Variants in SLC17A6 observed in about 807,000 individuals in gnomAD.
The protein encoded by SLC17A6 is vesicular glutamate transporter 2.
Under a neutral mutation model 67.1 loss-of-function variants are expected in SLC17A6, and 35 were observed. The ratio of observed to expected loss-of-function variants is 0.52; its 90% CI spans 0.40 to 0.69. The LOEUF is 0.69. Ranked by LOEUF, SLC17A6 falls within the 30% of genes least tolerant of loss-of-function variation. The pLI is 0.00. For synonymous variants in SLC17A6, 285 were observed against 252.3 expected (o/e 1.13, Z -1.23); for missense variants, 588 against 723.9 (o/e 0.81, Z 2.15).
At chr11:22,358,540 C>A (rs1377943981) in intron 3 of SLC17A6, among the ~76,000 whole-genome samples, 1 of 152,164 alleles carries the variant, frequency 6.6e-6, no homozygotes, top group Non-Finnish European at 1.5e-5. Context: ...CTATGTTGGC[C>A]AGACTGGTTT....
rs1050255443 is a variant in SLC17A6, at chr11:22,377,981, C to T, written c.*241C>T. ...ATTTGTGACTTAAAGGTTGACTGGT[C>T]AAAATTGTAGAAACAAGTAGTTACC... On this transcript the variant is annotated 3_prime_UTR_variant, in exon 12 of 12. Coordinates refer to ENST00000263160, the MANE Select transcript of SLC17A6 (RefSeq NM_020346.3). 1 of 498,526 alleles carries T rather than the reference C, an allele frequency of 2.0e-6. No individual in the cohort carries two copies. The highest frequency in any genetic ancestry group is 3.5e-6 in the Non-Finnish European group (1 of 285,716). 30.9% of individuals were successfully genotyped at this position (498,526 alleles called of 1,614,324 possible).
chr11:22,341,586 C>T lies in SLC17A6; in HGVS notation c.145C>T (p.Pro49Ser), dbSNP rs1855816467. 1 of 1,614,078 alleles carries T rather than the reference C, an allele frequency of 6.2e-7. No individual in the cohort carries two copies. The highest frequency in any genetic ancestry group is 2.2e-5 in the East Asian group (1 of 44,862). ...ETIELTEDGK[P>S]LEVPERKAPL... ...AATCGAGCTGACGGAGGATGGGAAG[C>T]CCCTAGAGGTGCCCGAGAGGAAGGC... Residue 49 changes from proline (P) to serine (S), a missense_variant, in exon 2 of 12, where the codon CCC (proline) becomes TCC (serine). By Grantham distance (74) the Pro-to-Ser change is moderately conservative. Around this residue, in one of 4 missense-constraint regions of SLC17A6, gnomAD observed 117 missense variants for 98.7 expected, o/e 1.19. Transcript: ENST00000263160.
At chr11:22,344,778 C>T (rs1448222543) in intron 3 of SLC17A6, among the ~76,000 whole-genome samples, 1 of 152,018 alleles carries the variant, frequency 6.6e-6, no homozygotes, top group African/African-American at 2.4e-5. Flanking sequence ...GTAAATCAAA[C>T]AAAACATTGA....
chr11:22,363,095 A>G (rs889226371), intron 6 of SLC17A6, among the ~76,000 whole-genome samples: 1 of 152,170 alleles, frequency 6.6e-6, no homozygotes, highest in Non-Finnish European at 1.5e-5. Context: ...TCATTATGAA[A>G]AAATATTAAA....
chr11:22,370,504 T>C (rs1383684665), intron 8 of SLC17A6, among the ~76,000 whole-genome samples: 1 of 152,036 alleles, frequency 6.6e-6, no homozygotes, highest in African/African-American at 2.4e-5. Flanking sequence ...TCCCTTTAAG[T>C]CTCAGCTCAC....
intron 3 of SLC17A6, among the ~76,000 whole-genome samples, chr11:22,345,372 C>T (rs978582705): frequency 1.3e-5 from 2 of 150,048 alleles, no homozygotes; most frequent in Admixed American, 1.3e-4. Flanking sequence ...AGTGCAGTGG[C>T]ACGAACTGGG....
intron 10 of SLC17A6, 52 bp from the exon 11 acceptor site, chr11:22,376,493 A>G: frequency 1.2e-6 from 2 of 1,608,586 alleles, no homozygotes; most frequent in Non-Finnish European, 8.5e-7. Context: ...ATAGGTATTT[A>G]CTTCTAAGAC....
intron 3 of SLC17A6, among the ~76,000 whole-genome samples, chr11:22,359,066 C>T (rs547159702): frequency 1.3e-3 from 193 of 152,188 alleles, no homozygotes; most frequent in Non-Finnish European, 2.3e-3. Context: ...AAGCTCTTAC[C>T]CTTAAGCAGT....
chr11:22,358,156 C>A (rs901670543), intron 3 of SLC17A6, among the ~76,000 whole-genome samples: 1 of 152,030 alleles, frequency 6.6e-6, no homozygotes, highest in Non-Finnish European at 1.5e-5. Flanking sequence ...CCAACATTGA[C>A]TGAATTTAAG....
chr11:22,343,385 T>A lies in SLC17A6; in HGVS notation c.458+20T>A. 3.1e-6 allele frequency: 5 copies of A among 1,590,840 alleles called. No individual in the cohort carries two copies. The African/African-American group carries it at 6.8e-5, about 22-fold the overall frequency. On this transcript the variant is annotated intron_variant, in intron 3 of 11. Transcript: ENST00000263160. ...CAACAGGTAATGCGCCAGGCGGGAC[T>A]GGGGCTCGGGGCGTGGTGTTTGTTT... is the stretch of plus-strand genomic sequence containing the variant.
chr11:22,340,915 C>T (rs1855807389), intron 1 of SLC17A6, among the ~76,000 whole-genome samples: 1 of 152,168 alleles, frequency 6.6e-6, no homozygotes, highest in African/African-American at 2.4e-5. Context: ...GGCCTTAGTC[C>T]AGGGGGTGCT....
At chr11:22,370,915 C>A (rs1447510) in intron 8 of SLC17A6, among the ~76,000 whole-genome samples, 36,617 of 151,640 alleles carry the variant, frequency 0.24, 4,836 homozygotes, top group African/African-American at 0.35. Flanking sequence ...ACTACTCTAT[C>A]TTTATATAGG....
At position 22,360,994 on chromosome 11, in the gene SLC17A6, G is replaced by A. The variant is rs1163943130; in HGVS notation, c.661+10G>A. Reference sequence around the variant, plus strand: ...ACCACCTCCTTTTGTGGTGAGTACTGTGTGCAGATGCAGCTATGGTGGCTA... The same window carrying A: ...ACCACCTCCTTTTGTGGTGAGTACTATGTGCAGATGCAGCTATGGTGGCTA... On this transcript the variant is annotated intron_variant, in intron 5 of 11. Transcript: ENST00000263160. 5.6e-6 allele frequency: 9 copies of A among 1,609,304 alleles called. No homozygotes were observed. The highest frequency in any genetic ancestry group is 1.1e-5 in the South Asian group (1 of 90,626).
intron 2 of SLC17A6, 85 bp from the exon 3 acceptor site, chr11:22,343,162 C>A (rs560932380): frequency 8.9e-7 from 1 of 1,122,272 alleles, no homozygotes; most frequent in Non-Finnish European, 1.3e-6. Context: ...GCCTTGGGGG[C>A]TTTTTGGCTT....
In SLC17A6 at chr11:22,378,801, G is replaced by C. The variant is rs1856262964; in HGVS notation, c.*1061G>C. On this transcript the variant is annotated 3_prime_UTR_variant, in exon 12 of 12. Transcript: ENST00000263160. ...TTTAAAGTCCTATTAAGAAATATTT[G>C]TCTTAAATATATAGGACAATACATT... 6.6e-6 allele frequency: 1 copy of C among 151,954 alleles called. No homozygotes were observed. Among genetic ancestry groups the C allele is most frequent in the African/African-American group, 2.4e-5 (1 of 41,390 alleles). 9.4% of individuals were successfully genotyped at this position (151,954 alleles called of 1,614,324 possible).
In SLC17A6 at chr11:22,359,456, C is replaced by T. The variant is rs1856025489; in HGVS notation, c.502C>T (p.Leu168=). The T allele has an allele frequency of 1.2e-6, 2 of 1,603,406 alleles. No homozygotes were observed. The highest frequency in any genetic ancestry group is 1.7e-6 in the Non-Finnish European group (2 of 1,174,446). Residue 168 remains leucine (L), a synonymous_variant, in exon 4 of 12, where the codon CTA becomes TTA. Coordinates refer to ENST00000263160, the MANE Select transcript of SLC17A6 (RefSeq NM_020346.3). Reference sequence around the variant, plus strand: ...ACTTCTTACCTCTACCCTAAATATGCTAATTCCATCAGCAGCCAGAGTGCA... The same window carrying T: ...ACTTCTTACCTCTACCCTAAATATGTTAATTCCATCAGCAGCCAGAGTGCA... The part of the protein sequence containing the change: ...AILLTSTLNM[L]IPSAARVHYG...
chr11:22,347,786 C>T (rs1320401980), intron 3 of SLC17A6, among the ~76,000 whole-genome samples: 1 of 152,082 alleles, frequency 6.6e-6, no homozygotes, highest in Non-Finnish European at 1.5e-5. Context: ...TCAGTACATC[C>T]AATCTTTGAA....
At chr11:22,353,134 A>G (rs1248548246) in intron 3 of SLC17A6, among the ~76,000 whole-genome samples, 1 of 152,204 alleles carries the variant, frequency 6.6e-6, no homozygotes, top group Non-Finnish European at 1.5e-5. Context: ...CTGTATAATA[A>G]TGGCTAACCT....
At chr11:22,361,162 C>A (rs1669014373) in intron 5 of SLC17A6, 178 bp downstream of exon 5, 1 of 518,226 alleles carries the variant, frequency 1.9e-6, no homozygotes, top group East Asian at 3.0e-5. Context: ...TTGCTTAAAT[C>A]TTCTATTTAT....
Sources: gnomAD v4.1 joint callset for allele counts (sites outside exome capture counted in the v4.1 genomes callset) on GRCh38, gnomAD v4.1.1 for gene constraint, gnomAD v4.1.1 regional missense constraint, MANE v1.5 for transcripts, NCBI Gene and HGNC (gene_info 2026-07-23, HGNC 2026-07-21) for gene names.